GLI2: variants seen among roughly 807,000 people sequenced by gnomAD.
GLI2 encodes GLI family zinc finger 2, also known as transcription activator GLI2.
A neutral mutation model predicts 78.9 loss-of-function variants in GLI2; 22 were observed. The observed-to-expected ratio is 0.28, with a 90% CI of 0.20 to 0.40. The LOEUF (loss-of-function observed/expected upper bound fraction) is 0.40, where lower values mean the gene tolerates loss of function less well. Among genes scored for constraint, GLI2 ranks in the 10% least tolerant of loss-of-function variants. The pLI is 1.00. For missense variants in GLI2, 2,097 were observed against 2,213.2 expected (o/e 0.95, Z 1.05); for synonymous variants, 974 against 963.7 (o/e 1.01, Z -0.20).
At position 120,991,584 on chromosome 2, in the gene GLI2, C is replaced by T. The variant is rs1230197332; in HGVS notation, c.*909C>T. On this transcript the variant is annotated 3_prime_UTR_variant, in exon 14 of 14. Transcript: ENST00000361492. ...AGTGAGGGTGCACCCGGGGCCCAGC[C>T]TCAGGCTGCCCTAGGGATCTCTCAG... The T allele has an allele frequency of 6.6e-6, 1 of 152,664 alleles. No individual in the cohort carries two copies. The highest frequency in any genetic ancestry group is 2.4e-5 in the African/African-American group (1 of 41,450). The allele number at this position is 152,664 out of a possible 1,614,324, so 9.5% of individuals were successfully genotyped here.
Position 120,988,414 on chromosome 2 carries a change from C to T in GLI2, c.2449C>T (p.Arg817Cys), listed in dbSNP as rs1440364367. 1 of 1,574,238 alleles carries T rather than the reference C, an allele frequency of 6.4e-7. No homozygotes were observed. Among genetic ancestry groups the T allele is most frequent in the South Asian group, 1.1e-5 (1 of 87,270 alleles). The part of the protein sequence containing the change: ...SGISPYFSSR[R>C]SSEASPLGAG... The stretch of plus-strand genomic sequence containing the variant: ...CATCTCCCCCTACTTCTCCAGCCGC[C>T]GCTCCAGCGAGGCCTCGCCCCTGGG... Residue 817 changes from arginine to cysteine, a missense_variant, in exon 14 of 14, where the codon CGC becomes TGC. Physicochemically the swap from Arg to Cys is radical, Grantham distance 180. This residue lies in a region of GLI2 where 1,290 missense variants were observed against 1,261.7 expected (regional missense o/e 1.02). Coordinates refer to ENST00000361492, the MANE Select transcript of GLI2 (RefSeq NM_001374353.1).
chr2:120,904,734 G>T (rs1006296409), intron 2 of GLI2, among the ~76,000 whole-genome samples: 3 of 152,222 alleles, frequency 2.0e-5, no homozygotes, highest in African/African-American at 7.2e-5. Flanking sequence ...TCTGTACTGG[G>T]CTGGGTTTTG....
At chr2:120,868,638 C>A (rs1023997745) in intron 2 of GLI2, among the ~76,000 whole-genome samples, 8 of 152,182 alleles carry the variant, frequency 5.3e-5, no homozygotes, top group African/African-American at 1.9e-4. Context: ...GGAGGTGAGA[C>A]CTTCCTGGGA....
At chr2:120,917,054 A>T (rs139792837) in intron 2 of GLI2, among the ~76,000 whole-genome samples, 1,653 of 152,334 alleles carry the variant, frequency 0.011, 26 homozygotes, top group African/African-American at 0.037. Flanking sequence ...TGACAAGCCC[A>T]GAATAAATGG....
rs1403811595 is a variant in GLI2 at position 120,968,904 on chromosome 2, G to C, written c.834G>C (p.Ala278=). The part of the protein sequence containing the change: ...AASGSYGHLS[A]GALSPAFTFP... Reference sequence around the variant, plus strand: ...GCGGTTCCTACGGGCATCTGTCAGCGGGTGCCCTCAGGTGAGCCCCGCCTG... The same window carrying C: ...GCGGTTCCTACGGGCATCTGTCAGCCGGTGCCCTCAGGTGAGCCCCGCCTG... Residue 278 remains alanine (A), a synonymous_variant, in exon 6 of 14, where the codon GCG becomes GCC. Transcript: ENST00000361492. 4.3e-6 allele frequency: 7 copies of C among 1,611,120 alleles called. No individual in the cohort carries two copies. Among genetic ancestry groups the C allele is most frequent in the Middle Eastern group, 1.6e-4 (1 of 6,082 alleles).
At chr2:120,767,646 C>T (rs1362870953) in intron 1 of GLI2, among the ~76,000 whole-genome samples, 3 of 152,228 alleles carry the variant, frequency 2.0e-5, no homozygotes, top group Non-Finnish European at 4.4e-5. Flanking sequence ...GCCTGTGCCC[C>T]CCGCTCTGAG....
chr2:120,782,763 C>T (rs1683884194), intron 1 of GLI2, among the ~76,000 whole-genome samples: 1 of 152,202 alleles, frequency 6.6e-6, no homozygotes, highest in African/African-American at 2.4e-5. Context: ...TGGTCTCAAC[C>T]CACTGGCCAC....
chr2:120,752,028 C>T (rs77426238), intron 1 of GLI2, among the ~76,000 whole-genome samples: 8 of 151,976 alleles, frequency 5.3e-5, no homozygotes, highest in Non-Finnish European at 1.2e-4. Flanking sequence ...TGAGCACGAC[C>T]CCCACTAGAG....
Position 120,961,457 on chromosome 2 carries a change from G to C in GLI2, c.643+6027G>C, listed in dbSNP as rs183196326. ...GCTGTGTACAGGCACGGGCTAAGCG[G>C]TGTCTATGGGCCATCTGGTAAAGCC... On this transcript the variant is annotated intron_variant, in intron 5 of 13. Coordinates refer to ENST00000361492, the MANE Select transcript of GLI2 (RefSeq NM_001374353.1). 1.5e-4 allele frequency among the ~76,000 whole-genome samples: 23 copies of C among 152,264 alleles called. 1 individual carries two copies. The highest frequency in any genetic ancestry group is 1.5e-3 in the Admixed American group (23 of 15,302).
intron 1 of GLI2, among the ~76,000 whole-genome samples, chr2:120,779,990 C>T (rs572199165): frequency 3.9e-5 from 6 of 151,948 alleles, no homozygotes; most frequent in African/African-American, 7.2e-5. Flanking sequence ...AAACAACACC[C>T]GCATTCTTTT....
chr2:120,932,560 G>C (rs972275999), intron 3 of GLI2, among the ~76,000 whole-genome samples: 1 of 152,162 alleles, frequency 6.6e-6, no homozygotes, highest in Non-Finnish European at 1.5e-5. Context: ...GGGACCCATT[G>C]CCGAACCCTC....
chr2:120,881,733 GTGCGGGGGAGAACAGTGCGGA>G (rs1677151400), intron 2 of GLI2, among the ~76,000 whole-genome samples: 2 of 89,210 alleles, frequency 2.2e-5, no homozygotes, highest in East Asian at 4.5e-4. Flanking sequence ...GGGGAGGACA[GTGCGGGGGAGAACAGTGCGGA>G]GTGGCACGGT....
chr2:120,951,008 C>T lies in GLI2; in HGVS notation c.255-235C>T, dbSNP rs11122836. ...GGTCCATTCTCCAGCGTGGAACTGG[C>T]CGGCGGGTGCACGCACCAGCGTGGA... On this transcript the variant is annotated intron_variant, in intron 3 of 13. Transcript: ENST00000361492. 0.79 allele frequency among the ~76,000 whole-genome samples: 120,272 copies of T among 152,306 alleles called. 52,379 individuals carry two copies. The highest frequency in any genetic ancestry group is 1 in the East Asian group (5,170 of 5,176).
chr2:120,904,989 CGG>C (rs1179913519), intron 2 of GLI2, among the ~76,000 whole-genome samples: 1 of 152,144 alleles, frequency 6.6e-6, no homozygotes, highest in Non-Finnish European at 1.5e-5. Flanking sequence ...ATCGTTGCCA[CGG>C]ACAGTGATTG....
At chr2:120,748,062 C>G (rs1479879980) in intron 1 of GLI2, among the ~76,000 whole-genome samples, 1 of 152,192 alleles carries the variant, frequency 6.6e-6, no homozygotes, top group Admixed American at 6.5e-5. Flanking sequence ...GCAGGTTTCT[C>G]AAATGTGCGT....
chr2:120,975,155 G>A (rs755816439), intron 9 of GLI2, 46 bp downstream of exon 9: 2 of 1,598,620 alleles, frequency 1.3e-6, no homozygotes, highest in Admixed American at 1.7e-5. Flanking sequence ...GCACGGCCCA[G>A]GCCATGCAGG....
rs143989972 is a variant in GLI2 at position 120,831,371 on chromosome 2, C to T, written c.148+33903C>T. ...AGTGCAGGGTGCTCTGCTGTGGGCA[C>T]CAGGCCTCCCTGGAGGTTACAGGGC... On this transcript the variant is annotated intron_variant, in intron 2 of 13. Transcript: ENST00000361492. 3.0e-3 allele frequency among the ~76,000 whole-genome samples: 461 copies of T among 152,348 alleles called. 6 individuals are homozygous for T. The highest frequency in any genetic ancestry group is 9.4e-3 in the African/African-American group (392 of 41,584).
intron 2 of GLI2, among the ~76,000 whole-genome samples, chr2:120,852,313 C>T (rs563744447): frequency 5.9e-5 from 9 of 152,282 alleles, no homozygotes; most frequent in South Asian, 2.1e-4. Flanking sequence ...CCCCATGCAG[C>T]GGGGCTCCTC....
intron 1 of GLI2, among the ~76,000 whole-genome samples, chr2:120,775,167 A>G (rs943610814): frequency 2.0e-5 from 3 of 152,082 alleles, no homozygotes; most frequent in Non-Finnish European, 1.5e-5. Context: ...ACTCCACACT[A>G]ATTTAAGCTT....
Sources: gnomAD v4.1 joint callset for allele counts (sites outside exome capture counted in the v4.1 genomes callset) on GRCh38, gnomAD v4.1.1 for gene constraint, gnomAD v4.1.1 regional missense constraint, MANE v1.5 for transcripts, NCBI Gene and HGNC (gene_info 2026-07-23, HGNC 2026-07-21) for gene names.